Variants in USP12 observed in about 807,000 individuals in gnomAD.
The protein encoded by USP12 is ubiquitin specific peptidase 12.
In USP12, 19 loss-of-function variants were observed where a neutral mutation model predicts 45.5. The ratio of observed to expected loss-of-function variants is 0.42; its 90% CI spans 0.29 to 0.61. The LOEUF is 0.61. USP12 is among the 20% of genes least tolerant of loss of function. The pLI is 0.22. For missense variants in USP12, 242 were observed against 447.7 expected (o/e 0.54, Z 4.15); for synonymous variants, 149 against 148.8 (o/e 1.00, Z -0.01).
chr13:27,069,212 A>G lies in USP12; in HGVS notation c.*71T>C. 3 of 1,320,354 alleles carry G rather than the reference A, an allele frequency of 2.3e-6. No homozygotes were observed. The Admixed American group carries it at 5.3e-5, about 23-fold the overall frequency. 81.8% of individuals were successfully genotyped at this position (1,320,354 alleles called of 1,614,324 possible). A position where few individuals can be genotyped will look rare whatever the true frequency, so the allele number is the denominator to read the frequency against. ...TGCATTTCTCTTTTCTTGAAAAATC[A>G]GTGCTTGATCCTTTCCAAAATAACC... is the stretch of plus-strand genomic sequence containing the variant. On this transcript the variant is annotated 3_prime_UTR_variant, in exon 9 of 9. Transcript: ENST00000282344.
At chr13:27,079,924 T>C (rs969723587) in intron 6 of USP12, among the ~76,000 whole-genome samples, 2 of 152,092 alleles carry the variant, frequency 1.3e-5, no homozygotes, top group African/African-American at 4.8e-5. Flanking sequence ...TTGTGACACA[T>C]TACAATGAGG....
intron 6 of USP12, among the ~76,000 whole-genome samples, chr13:27,078,981 T>A (rs1028958883): frequency 6.7e-6 from 1 of 149,744 alleles, no homozygotes. Context: ...GAAATCAGAG[T>A]ATGTCCTCTG....
At chr13:27,167,862 G>A (rs564881710) in intron 1 of USP12, among the ~76,000 whole-genome samples, 1 of 152,174 alleles carries the variant, frequency 6.6e-6, no homozygotes, top group East Asian at 1.9e-4. Flanking sequence ...TCAGTAGTAA[G>A]GATAAATTGC....
chr13:27,082,351 C>T (rs1006982215), intron 6 of USP12, among the ~76,000 whole-genome samples: 1 of 152,200 alleles, frequency 6.6e-6, no homozygotes, highest in Admixed American at 6.5e-5. Context: ...TCTGCAGCTT[C>T]CTTACCTCTC....
chr13:27,079,201 C>T (rs1355826123), intron 6 of USP12, among the ~76,000 whole-genome samples: 2 of 57,198 alleles, frequency 3.5e-5, no homozygotes, highest in Non-Finnish European at 6.4e-5. Context: ...GATTTAATGT[C>T]GTGCTCCCTG....
rs750776908 is a variant in USP12, at chr13:27,171,681, G to A, written c.-42C>T. The A allele has an allele frequency of 4.1e-6, 5 of 1,204,846 alleles. No individual in the cohort carries two copies. In the South Asian group the frequency reaches 6.4e-5, roughly 15 times the overall value. 74.6% of individuals were successfully genotyped at this position (1,204,846 alleles called of 1,614,324 possible). On this transcript the variant is annotated 5_prime_UTR_variant, in exon 1 of 9. Coordinates refer to ENST00000282344, the MANE Select transcript of USP12 (RefSeq NM_182488.4). Reference sequence around the variant, plus strand: ...TCCACCCAATCACAGCGGCGGCGGCGGGCGGGGGAGGAGGGGAGCCGGGCC... The same window carrying A: ...TCCACCCAATCACAGCGGCGGCGGCAGGCGGGGGAGGAGGGGAGCCGGGCC...
In USP12 at chr13:27,130,589, G is replaced by A. The variant is rs887103914; in HGVS notation, c.49-13993C>T. 4.2e-4 allele frequency among the ~76,000 whole-genome samples: 63 copies of A among 149,838 alleles called. 1 individual carries two copies. Among genetic ancestry groups the A allele is most frequent in the African/African-American group, 1.4e-3 (59 of 40,820 alleles). ...AAAAAAAAAAAAAGGAAAATATGGT[G>A]TATTTGCAGGAAAAAAGAATTTGAC... On this transcript the variant is annotated intron_variant, in intron 1 of 8. Transcript: ENST00000282344.
At chr13:27,096,834 A>G (rs1357373115) in intron 3 of USP12, among the ~76,000 whole-genome samples, 8 of 152,232 alleles carry the variant, frequency 5.3e-5, no homozygotes, top group Non-Finnish European at 1.0e-4. Flanking sequence ...TGTACATTTA[A>G]TAAGTTCCAG....
intron 7 of USP12, among the ~76,000 whole-genome samples, chr13:27,074,055 G>A (rs1383050926): frequency 6.6e-6 from 1 of 152,206 alleles, no homozygotes; most frequent in Non-Finnish European, 1.5e-5. Flanking sequence ...AGGCAATGGA[G>A]GAAGAAGACG....
At chr13:27,154,508 C>T (rs1249570449) in intron 1 of USP12, among the ~76,000 whole-genome samples, 3 of 152,170 alleles carry the variant, frequency 2.0e-5, no homozygotes, top group Non-Finnish European at 4.4e-5. Flanking sequence ...CAGATAACCA[C>T]GTCTTAATGT....
rs771968447 is a variant in USP12 at position 27,171,604 on chromosome 13, G to A, written c.36C>T (p.Ser12=). The A allele has an allele frequency of 3.1e-6, 4 of 1,285,568 alleles. No homozygotes were observed. The highest frequency in any genetic ancestry group is 2.3e-5 in the Admixed American group (1 of 42,920). The allele number at this position is 1,285,568 out of a possible 1,614,324, so 79.6% of individuals were successfully genotyped here. A position where few individuals can be genotyped will look rare whatever the true frequency, so the allele number is the denominator to read the frequency against. ...CGCCGCCACCTACCATGGTACAGAT[G>A]GAGGCGAATTTGGAGACTGTCATTA... The part of the protein sequence containing the change: ...EILMTVSKFA[S]ICTMGANASA... Residue 12 remains serine, a synonymous_variant, in exon 1 of 9, where the codon TCC becomes TCT. Transcript: ENST00000282344.
intron 1 of USP12, among the ~76,000 whole-genome samples, chr13:27,139,290 C>T (rs747089388): frequency 6.6e-6 from 1 of 152,158 alleles, no homozygotes; most frequent in Admixed American, 6.5e-5. Flanking sequence ...CTACAGCTTA[C>T]GCTACATACT....
At chr13:27,102,208 C>T (rs1874898614) in intron 3 of USP12, among the ~76,000 whole-genome samples, 2 of 152,150 alleles carry the variant, frequency 1.3e-5, no homozygotes, top group Non-Finnish European at 2.9e-5. Context: ...CCAAACAGTC[C>T]AGTTGAGGGT....
intron 7 of USP12, among the ~76,000 whole-genome samples, chr13:27,073,885 C>T (rs180911742): frequency 2.3e-4 from 35 of 152,242 alleles, no homozygotes; most frequent in African/African-American, 8.2e-4. Context: ...GTACTGAGAT[C>T]CAAGTTTCTC....
Position 27,142,706 on chromosome 13 carries a change from C to T in USP12, c.49-26110G>A, listed in dbSNP as rs577447070. On this transcript the variant is annotated intron_variant, in intron 1 of 8. Transcript: ENST00000282344. ...TTGGAGGGGCTTCCACTGGCAAAAT[C>T]GAGACTAATTTGAACATCACCAAAA... is the stretch of plus-strand genomic sequence containing the variant. Among the ~76,000 whole-genome samples the T allele has an allele frequency of 3.3e-5, 5 of 152,076 alleles. No individual in the cohort carries two copies. The East Asian group carries it at 7.7e-4, about 23-fold the overall frequency.
chr13:27,170,405 C>A (rs1380242303), intron 1 of USP12: 6 of 398,256 alleles, frequency 1.5e-5, no homozygotes, highest in Non-Finnish European at 2.7e-5. Context: ...AAATCAGTTG[C>A]ATAAATAGGG....
At chr13:27,160,971 G>T (rs1878080882) in intron 1 of USP12, among the ~76,000 whole-genome samples, 1 of 152,054 alleles carries the variant, frequency 6.6e-6, no homozygotes, top group Non-Finnish European at 1.5e-5. Context: ...ACAGGCCCCA[G>T]TGTGTAGCGT....
Position 27,067,476 on chromosome 13 carries a change from T to C in USP12, c.*1807A>G, listed in dbSNP as rs916270628. On this transcript the variant is annotated 3_prime_UTR_variant, in exon 9 of 9. Transcript: ENST00000282344. ...CTAGCCAGGGTAAGGCTTTAGGAAC[T>C]ATCTTAAAAAGAAACTTGTCAAAAT... 1.9e-4 allele frequency: 29 copies of C among 152,212 alleles called. No individual in the cohort carries two copies. Among genetic ancestry groups the C allele is most frequent in the Non-Finnish European group, 1.0e-4 (7 of 68,036 alleles). The allele number at this position is 152,212 out of a possible 1,614,324, so 9.4% of individuals were successfully genotyped here.
At chr13:27,087,028 T>C (rs1874076382) in intron 6 of USP12, among the ~76,000 whole-genome samples, 1 of 152,152 alleles carries the variant, frequency 6.6e-6, no homozygotes, top group South Asian at 2.1e-4. Context: ...AATTCAACTA[T>C]TTGATGGGGC....
Sources: allele counts gnomAD v4.1 joint callset (sites outside exome capture counted in the v4.1 genomes callset), GRCh38; gene constraint gnomAD v4.1.1; transcripts MANE v1.5; gene names NCBI Gene and HGNC (gene_info 2026-07-23, HGNC 2026-07-21).